NOX4: variants seen among roughly 807,000 people sequenced by gnomAD.
NOX4 encodes the protein kidney oxidase-1.
A neutral mutation model predicts 87.6 loss-of-function variants in NOX4; 69 were observed. That is an observed-to-expected ratio of 0.79 (90% CI 0.65 to 0.96). The LOEUF (loss-of-function observed/expected upper bound fraction) is 0.96, where lower values mean the gene tolerates loss of function less well. Among genes scored for constraint, NOX4 ranks in the 40% least tolerant of loss-of-function variants. The probability of loss-of-function intolerance (pLI) is 0.00; values close to 1 mark genes in which losing one functional copy is unlikely to be tolerated. For missense variants in NOX4, 680 were observed against 681.5 expected, an observed-to-expected ratio of 1.00 and a Z score of 0.02; for synonymous variants, 275 against 238.2, an observed-to-expected ratio of 1.15 and a Z score of -1.42.
In NOX4 at chr11:89,490,533, A is replaced by G. The variant is rs1329489351; in HGVS notation, c.78T>C (p.Asn26=). ...AGAAGGTTTTCCAGAAAAGCAGGAC[A>G]TTCATGGAGAGCCAGATGAACTAAA... The part of the protein sequence containing the change: ...HLCLFIWLSM[N]VLLFWKTFLL... The change falls in exon 2 of 18, where the codon AAT becomes AAC. Residue 26 remains asparagine (N), a synonymous_variant. Coordinates refer to ENST00000263317, the MANE Select transcript of NOX4 (RefSeq NM_016931.5). 17 of 1,613,880 alleles carry G rather than the reference A, an allele frequency of 1.1e-5. No individual in the cohort carries two copies. Among genetic ancestry groups the G allele is most frequent in the Non-Finnish European group, 1.4e-5 (17 of 1,179,896 alleles).
chr11:89,562,280 G>A, the NOX4 span, among the ~76,000 whole-genome samples: 12 of 151,916 alleles, frequency 7.9e-5, no homozygotes, highest in African/African-American at 2.7e-4. Context: ...TTGAGACTTG[G>A]GGGAATTAGA....
At chr11:89,541,269 T>G in the NOX4 span, among the ~76,000 whole-genome samples, 3 of 152,178 alleles carry the variant, frequency 2.0e-5, no homozygotes, top group South Asian at 2.1e-4. Flanking sequence ...GTGGGTACAT[T>G]TCCTATTTTC....
chr11:89,431,094 A>C (rs1343010186), intron 7 of NOX4, among the ~76,000 whole-genome samples: 1 of 152,226 alleles, frequency 6.6e-6, no homozygotes, highest in Admixed American at 6.5e-5. Flanking sequence ...GACAAAAACA[A>C]GAAATGGGGA....
the NOX4 span, among the ~76,000 whole-genome samples, chr11:89,558,443 G>A: frequency 3.3e-5 from 5 of 151,776 alleles, no homozygotes; most frequent in African/African-American, 9.7e-5. Context: ...CTGGGCCTTC[G>A]GTAACCAAGT....
At chr11:89,570,056 A>G in the NOX4 span, among the ~76,000 whole-genome samples, 1 of 152,164 alleles carries the variant, frequency 6.6e-6, no homozygotes, top group African/African-American at 2.4e-5. Context: ...AAGACACATT[A>G]ATGCATATGT....
chr11:89,371,856 T>C (rs1939469354), intron 12 of NOX4, among the ~76,000 whole-genome samples: 2 of 151,954 alleles, frequency 1.3e-5, no homozygotes, highest in South Asian at 4.1e-4. Context: ...GAGTTATTAC[T>C]GCTCAAAGAT....
chr11:89,455,693 C>T (rs1945162477), intron 2 of NOX4, among the ~76,000 whole-genome samples: 1 of 147,502 alleles, frequency 6.8e-6, no homozygotes, highest in Non-Finnish European at 1.5e-5. Flanking sequence ...ACTGAAAACT[C>T]CCCACTGTTA....
Position 89,380,783 on chromosome 11 carries a change from A to G in NOX4, c.1075-7291T>C, listed in dbSNP as rs139873891. ...TATTAATTTTTCATGAACATTAATC[A>G]TCTTCTCAGGAAATTTTCACCACTT... On this transcript the variant is annotated intron_variant, in intron 11 of 17. Coordinates refer to ENST00000263317, the MANE Select transcript of NOX4 (RefSeq NM_016931.5). 5.9e-3 allele frequency among the ~76,000 whole-genome samples: 906 copies of G among 152,274 alleles called. 7 individuals carry two copies. The highest frequency in any genetic ancestry group is 0.01 in the Non-Finnish European group (681 of 68,032).
chr11:89,569,279 A>G, the NOX4 span, among the ~76,000 whole-genome samples: 4 of 152,166 alleles, frequency 2.6e-5, no homozygotes, highest in South Asian at 8.3e-4. Context: ...AGAAACCTAA[A>G]TTGAAAGAAA....
At chr11:89,414,652 C>T (rs1412309517) in intron 8 of NOX4, among the ~76,000 whole-genome samples, 2 of 148,158 alleles carry the variant, frequency 1.3e-5, no homozygotes, top group Admixed American at 6.8e-5. Context: ...AAAATGATTA[C>T]ATTATATTAT....
chr11:89,400,005 T>A lies in NOX4; in HGVS notation c.1074+12A>T. 6.3e-7 allele frequency: 1 copy of A among 1,596,806 alleles called. No homozygotes were observed. The highest frequency in any genetic ancestry group is 8.6e-7 in the Non-Finnish European group (1 of 1,167,426). On this transcript the variant is annotated intron_variant, in intron 11 of 17. Coordinates refer to ENST00000263317, the MANE Select transcript of NOX4 (RefSeq NM_016931.5). ...CCTACAAATGTGAAAAAGCAAGAGATATGTTTCTTACCATTGTGAGGGTAA... is the reference window on the plus strand; with the variant it reads ...CCTACAAATGTGAAAAAGCAAGAGAAATGTTTCTTACCATTGTGAGGGTAA...
chr11:89,466,904 G>A (rs563470683), intron 2 of NOX4, among the ~76,000 whole-genome samples: 2 of 152,260 alleles, frequency 1.3e-5, no homozygotes, highest in South Asian at 2.1e-4. Flanking sequence ...AAAGCAGCAT[G>A]AGAAATGATG....
chr11:89,578,985 T>C, the NOX4 span, among the ~76,000 whole-genome samples: 1 of 152,228 alleles, frequency 6.6e-6, no homozygotes, highest in South Asian at 2.1e-4. Flanking sequence ...ATAAAACAAA[T>C]GAACTATCCA....
the NOX4 span, among the ~76,000 whole-genome samples, chr11:89,504,577 C>A: frequency 1.4e-4 from 22 of 151,842 alleles, no homozygotes; most frequent in Non-Finnish European, 3.2e-4. Flanking sequence ...AGATTTTTTA[C>A]ATATTTGGAA....
intron 8 of NOX4, among the ~76,000 whole-genome samples, chr11:89,415,120 T>C (rs1240597520): frequency 2.0e-5 from 3 of 151,920 alleles, no homozygotes; most frequent in African/African-American, 7.2e-5. Context: ...AAAATAGAAA[T>C]GATAGAAGAA....
intron 6 of NOX4, among the ~76,000 whole-genome samples, chr11:89,433,497 T>G (rs317145): frequency 0.055 from 8,423 of 152,062 alleles, 832 homozygotes; most frequent in African/African-American, 0.19. Context: ...ATCTCCCTCA[T>G]GCTCTCCTTC....
chr11:89,521,254 A>G, the NOX4 span, among the ~76,000 whole-genome samples: 33 of 152,282 alleles, frequency 2.2e-4, no homozygotes, highest in African/African-American at 7.9e-4. Context: ...ACAAAGCCAA[A>G]GGCATCACAA....
At chr11:89,363,397 AC>A (rs1938682901) in intron 12 of NOX4, among the ~76,000 whole-genome samples, 1 of 152,098 alleles carries the variant, frequency 6.6e-6, no homozygotes, top group Non-Finnish European at 1.5e-5. Flanking sequence ...CATCTAACAA[AC>A]TTTTATTGAG....
intron 12 of NOX4, among the ~76,000 whole-genome samples, chr11:89,366,808 G>C (rs1939033243): frequency 6.6e-6 from 1 of 151,592 alleles, no homozygotes; most frequent in Non-Finnish European, 1.5e-5. Flanking sequence ...AAAACTTAAT[G>C]ACTGGTGAAT....
Sources: allele counts gnomAD v4.1 joint callset (sites outside exome capture counted in the v4.1 genomes callset), GRCh38; gene constraint gnomAD v4.1.1; transcripts MANE v1.5; gene names NCBI Gene and HGNC (gene_info 2026-07-23, HGNC 2026-07-21).